MTSS1: variants seen among roughly 807,000 people sequenced by gnomAD.
The protein encoded by MTSS1 is MTSS I-BAR domain containing 1.
In MTSS1, 18 loss-of-function variants were observed where a neutral mutation model predicts 79.0. The ratio of observed to expected loss-of-function variants is 0.23; its 90% CI spans 0.16 to 0.34. The LOEUF (loss-of-function observed/expected upper bound fraction) is 0.34. MTSS1 is among the 10% of genes least tolerant of loss of function. MTSS1 has a pLI of 1.00. For missense variants in MTSS1, 815 were observed against 986.2 expected, an observed-to-expected ratio of 0.83 and a Z score of 2.33; for synonymous variants, 341 against 368.6, an observed-to-expected ratio of 0.93 and a Z score of 0.86.
At chr8:124,568,899 G>A (rs1183238337) in intron 6 of MTSS1, 7 of 1,384,632 alleles carry the variant, frequency 5.1e-6, no homozygotes, top group Non-Finnish European at 6.5e-6. Flanking sequence ...AAGAGGCTAA[G>A]AGATGTGGAA....
intron 5 of MTSS1, among the ~76,000 whole-genome samples, chr8:124,587,185 T>C (rs1321274676): frequency 6.6e-6 from 1 of 152,132 alleles, no homozygotes; most frequent in African/African-American, 2.4e-5. Flanking sequence ...CGGATGGTTG[T>C]CTATGCATCC....
intron 5 of MTSS1, among the ~76,000 whole-genome samples, chr8:124,587,139 G>A (rs543320593): frequency 2.1e-4 from 32 of 152,294 alleles, no homozygotes; most frequent in African/African-American, 7.5e-4. Flanking sequence ...AGAGACCTGC[G>A]CAGGAGAGCA....
At chr8:124,699,183 G>A in intron 3 of MTSS1, 1 of 230,952 alleles carries the variant, frequency 4.3e-6, no homozygotes, top group African/African-American at 2.3e-5. Context: ...AGGAAACAAG[G>A]AAAACCCACG....
chr8:124,561,983 G>A (rs1011176042), intron 10 of MTSS1, among the ~76,000 whole-genome samples: 3 of 152,164 alleles, frequency 2.0e-5, no homozygotes, highest in Non-Finnish European at 2.9e-5. Flanking sequence ...GGAGAGGAAC[G>A]CAGAGCTCTG....
intron 1 of MTSS1, among the ~76,000 whole-genome samples, chr8:124,708,216 G>A (rs1022307877): frequency 2.0e-5 from 3 of 152,158 alleles, no homozygotes; most frequent in African/African-American, 4.8e-5. Flanking sequence ...CTCTGCATGG[G>A]TTTAAGTCAC....
At chr8:124,690,558 C>T (rs1330435325) in intron 3 of MTSS1, among the ~76,000 whole-genome samples, 1 of 152,212 alleles carries the variant, frequency 6.6e-6, no homozygotes, top group African/African-American at 2.4e-5. Flanking sequence ...CAAAACACGA[C>T]TGAGGCAGGA....
chr8:124,697,706 G>A (rs1341022469), intron 3 of MTSS1, among the ~76,000 whole-genome samples: 2 of 152,188 alleles, frequency 1.3e-5, no homozygotes, highest in Non-Finnish European at 2.9e-5. Flanking sequence ...GCCCTGCAAT[G>A]GTTTGCATAT....
In MTSS1 at chr8:124,727,674, C is replaced by T. The variant is rs903898703; in HGVS notation, c.72+210G>A. On this transcript the variant is annotated intron_variant, in intron 1 of 13. Coordinates refer to ENST00000518547, the MANE Select transcript of MTSS1 (RefSeq NM_014751.6). This position sits in a 1 kb window ranked among gnomAD's most constrained non-coding sequence, Gnocchi z 4.7. Reference sequence around the variant, plus strand: ...GGGAGATGGCGTGGGACAGCAGACACCCCCCAGAGAAGCCACCCGCCCAGT... The same window carrying T: ...GGGAGATGGCGTGGGACAGCAGACATCCCCCAGAGAAGCCACCCGCCCAGT... 9 of 665,616 alleles carry T rather than the reference C, an allele frequency of 1.4e-5. No homozygotes were observed. In the African/African-American group the frequency reaches 1.6e-4, roughly 12 times the overall value. The allele number at this position is 665,616 out of a possible 1,614,324, so 41.2% of individuals were successfully genotyped here.
At chr8:124,562,639 TA>T in intron 10 of MTSS1, 142 bp downstream of exon 10, 1 of 809,958 alleles carries the variant, frequency 1.2e-6, no homozygotes, top group Non-Finnish European at 1.9e-6. Context: ...ACAATACATC[TA>T]AAGATGAGAA....
In MTSS1 at chr8:124,640,980, C is replaced by G. The variant is rs543657467; in HGVS notation, c.209-49745G>C. 5.9e-5 allele frequency among the ~76,000 whole-genome samples: 9 copies of G among 152,002 alleles called. No homozygotes were observed. In the East Asian group the frequency reaches 1.7e-3, roughly 29 times the overall value. ...ACACATAACTTAGTTTTCAAAAAAA[C>G]GAGTTCTCTTTTCACACTAATATGT... On this transcript the variant is annotated intron_variant, in intron 3 of 13. Transcript: ENST00000518547.
chr8:124,668,584 C>T lies in MTSS1; in HGVS notation c.208+30942G>A, dbSNP rs111379646. Among the ~76,000 whole-genome samples, 374 of 152,298 alleles carry T rather than the reference C, an allele frequency of 2.5e-3. 1 individual carries two copies. The highest frequency in any genetic ancestry group is 8.1e-3 in the African/African-American group (335 of 41,548). ...ACCTACAAGGTCAACTTAGCACCTACCCGTGACACTCTTCGACAGCATGCC... is the reference window on the plus strand; with the variant it reads ...ACCTACAAGGTCAACTTAGCACCTATCCGTGACACTCTTCGACAGCATGCC... On this transcript the variant is annotated intron_variant, in intron 3 of 13. Transcript: ENST00000518547.
chr8:124,704,891 T>G (rs1474385157), intron 1 of MTSS1, among the ~76,000 whole-genome samples: 20 of 152,104 alleles, frequency 1.3e-4, no homozygotes, highest in Admixed American at 1.3e-3. Flanking sequence ...CAGTTTCACA[T>G]CCAACCCCAC....
chr8:124,663,154 C>T lies in MTSS1; in HGVS notation c.208+36372G>A, dbSNP rs552656322. Among the ~76,000 whole-genome samples the T allele has an allele frequency of 2.0e-5, 3 of 152,282 alleles. No individual in the cohort carries two copies. The East Asian group carries it at 5.8e-4, about 29-fold the overall frequency. ...TAGCCTGCACTCAGACACCTGCACA[C>T]GTGTCTCTAGGAAAAGAGGGAGTGC... On this transcript the variant is annotated intron_variant, in intron 3 of 13. Coordinates refer to ENST00000518547, the MANE Select transcript of MTSS1 (RefSeq NM_014751.6).
intron 1 of MTSS1, among the ~76,000 whole-genome samples, chr8:124,718,358 C>T (rs866202633): frequency 7.1e-6 from 1 of 141,104 alleles, no homozygotes; most frequent in Non-Finnish European, 1.5e-5. Context: ...TTCCAGGGGA[C>T]CCCCGCTCCA....
intron 3 of MTSS1, among the ~76,000 whole-genome samples, chr8:124,609,098 T>C (rs1835333845): frequency 6.6e-6 from 1 of 152,178 alleles, no homozygotes; most frequent in Non-Finnish European, 1.5e-5. Context: ...TTTCCCCAGC[T>C]CCCTGAGAAC....
intron 3 of MTSS1, among the ~76,000 whole-genome samples, chr8:124,680,916 T>C (rs774389202): frequency 6.6e-6 from 1 of 152,220 alleles, no homozygotes; most frequent in South Asian, 2.1e-4. Context: ...TTCGGCAAGG[T>C]CACCAAGACC....
intron 3 of MTSS1, among the ~76,000 whole-genome samples, chr8:124,606,176 T>G (rs970561432): frequency 4.7e-5 from 7 of 148,258 alleles, no homozygotes; most frequent in Non-Finnish European, 9.0e-5. Context: ...TTTTTGTTTT[T>G]TTTTTTTTTT....
chr8:124,564,839 T>C (rs561351222), intron 9 of MTSS1: 10 of 152,394 alleles, frequency 6.6e-5, no homozygotes, highest in African/African-American at 2.4e-4. Context: ...TGAAAGGAAA[T>C]AGGCATCAGC....
chr8:124,605,109 T>C (rs1013190222), intron 3 of MTSS1, among the ~76,000 whole-genome samples: 2 of 152,202 alleles, frequency 1.3e-5, no homozygotes, highest in African/African-American at 4.8e-5. Flanking sequence ...TGGTGTCTGG[T>C]TGCAACACCC....
Sources: gnomAD v4.1 joint callset for allele counts (sites outside exome capture counted in the v4.1 genomes callset) on GRCh38, gnomAD v4.1.1 for gene constraint, Gnocchi (gnomAD v3.1) non-coding constraint, MANE v1.5 for transcripts, NCBI Gene and HGNC (gene_info 2026-07-23, HGNC 2026-07-21) for gene names.